The following STRN3 variants were observed in gnomAD, a reference collection of about 807,000 sequenced individuals.
The protein encoded by STRN3 is striatin-3.
Under a neutral mutation model 95.6 loss-of-function variants are expected in STRN3, and 29 were observed. The ratio of observed to expected loss-of-function variants is 0.30; its 90% CI spans 0.23 to 0.41. STRN3 has a LOEUF of 0.41. STRN3 is among the 10% of genes least tolerant of loss of function. The pLI is 1.00. For synonymous variants in STRN3, 331 were observed against 357.6 expected, an observed-to-expected ratio of 0.93 and a Z score of 0.84; for missense variants, 890 against 972.1, an observed-to-expected ratio of 0.92 and a Z score of 1.12.
At chr14:30,942,083 T>C (rs775803730) in intron 5 of STRN3, among the ~76,000 whole-genome samples, 8 of 152,236 alleles carry the variant, frequency 5.3e-5, no homozygotes, top group Non-Finnish European at 1.2e-4. Context: ...CAAATGCACT[T>C]ATGTTTAATA....
chr14:30,904,705 A>G (rs1896413706), intron 15 of STRN3, among the ~76,000 whole-genome samples: 2 of 152,288 alleles, frequency 1.3e-5, no homozygotes, highest in East Asian at 1.9e-4. Flanking sequence ...CATCACAAAA[A>G]CATGAACAAC....
chr14:31,012,987 A>G (rs1366349624), intron 1 of STRN3, among the ~76,000 whole-genome samples: 1 of 152,068 alleles, frequency 6.6e-6, no homozygotes, highest in Non-Finnish European at 1.5e-5. Flanking sequence ...GGGAGGGCAT[A>G]GTGGTTCATG....
chr14:30,958,560 T>C (rs939174627), intron 1 of STRN3, among the ~76,000 whole-genome samples: 6 of 152,228 alleles, frequency 3.9e-5, no homozygotes, highest in African/African-American at 1.4e-4. Context: ...TTTGTTGTTG[T>C]TGTTGTTTTT....
At chr14:30,911,914 G>C (rs1240622031) in intron 11 of STRN3, 90 bp from the exon 12 acceptor site, 4 of 1,552,820 alleles carry the variant, frequency 2.6e-6, no homozygotes, top group Non-Finnish European at 3.5e-6. Flanking sequence ...TAGATCAAAT[G>C]TGTGCATTAA....
At chr14:30,913,768 T>G in intron 9 of STRN3, 111 bp from the exon 10 acceptor site, 1 of 1,283,428 alleles carries the variant, frequency 7.8e-7, no homozygotes. Flanking sequence ...ATATAATTAA[T>G]TTTTATTTTC....
intron 1 of STRN3, among the ~76,000 whole-genome samples, chr14:30,977,076 A>T (rs150122383): frequency 7.9e-5 from 12 of 152,220 alleles, no homozygotes; most frequent in Non-Finnish European, 1.5e-4. Flanking sequence ...AATACAAAAA[A>T]TTCGCTGGGT....
In STRN3 at chr14:30,894,564, T is replaced by C. The variant is rs1310179529; in HGVS notation, c.*847A>G. ...TTAGTTTTTTTCTTTAAGAGTTCAT[T>C]TGGAGTACTAAACCCCACTGTTTCA... On this transcript the variant is annotated 3_prime_UTR_variant, in exon 18 of 18. Coordinates refer to ENST00000357479, the MANE Select transcript of STRN3 (RefSeq NM_001083893.2). The C allele has an allele frequency of 3.3e-5, 5 of 152,802 alleles. No individual in the cohort carries two copies. The highest frequency in any genetic ancestry group is 7.3e-5 in the Non-Finnish European group (5 of 68,190). 9.5% of individuals were successfully genotyped at this position (152,802 alleles called of 1,614,324 possible).
chr14:31,025,698 T>A, intron 1 of STRN3: 1 of 746,630 alleles, frequency 1.3e-6, no homozygotes, highest in East Asian at 3.1e-5. Flanking sequence ...GCGTAGCCAG[T>A]GAAGGTTGGG....
intron 1 of STRN3, among the ~76,000 whole-genome samples, chr14:30,970,322 G>C (rs72668381): frequency 1.3e-5 from 2 of 152,070 alleles, no homozygotes; most frequent in East Asian, 1.9e-4. Context: ...CAGGAGTCTG[G>C]CCCCCCGATG....
At chr14:31,017,295 C>G (rs1220739157) in intron 1 of STRN3, among the ~76,000 whole-genome samples, 2 of 151,294 alleles carry the variant, frequency 1.3e-5, no homozygotes, top group Non-Finnish European at 2.9e-5. Flanking sequence ...GTCAGGAGAT[C>G]GAGACCATCC....
At chr14:30,922,444 C>T (rs1039293837) in intron 8 of STRN3, among the ~76,000 whole-genome samples, 1 of 152,286 alleles carries the variant, frequency 6.6e-6, no homozygotes. Context: ...AATTATGCCA[C>T]GTGTAAGCCA....
intron 7 of STRN3, among the ~76,000 whole-genome samples, chr14:30,929,659 A>C (rs2295130): frequency 0.046 from 7,046 of 152,130 alleles, 204 homozygotes; most frequent in East Asian, 0.081. Context: ...TTCAGCCAGC[A>C]TCATAAAAGC....
At chr14:30,918,487 A>T (rs1997904) in intron 9 of STRN3, among the ~76,000 whole-genome samples, 42 of 150,836 alleles carry the variant, frequency 2.8e-4, no homozygotes, top group Admixed American at 7.3e-4. Context: ...CCAGCCTGGG[A>T]GACAGAGTGA....
intron 1 of STRN3, among the ~76,000 whole-genome samples, chr14:31,001,677 G>A (rs140550176): frequency 1.1e-4 from 16 of 152,248 alleles, no homozygotes; most frequent in African/African-American, 3.9e-4. Context: ...AGAGACATTT[G>A]TACACGTTAT....
At chr14:30,991,326 G>A (rs1241712728) in intron 1 of STRN3, among the ~76,000 whole-genome samples, 3 of 152,112 alleles carry the variant, frequency 2.0e-5, no homozygotes, top group African/African-American at 4.8e-5. Flanking sequence ...GAAATAATAT[G>A]AGTACTAGTA....
Position 30,895,678 on chromosome 14 carries a change from G to T in STRN3, c.2208C>A (p.Ile736=). ...VTSLAVDPNG[I]YLMSGSHDCS... ...AAGACTTACTTCCAGACATCAAATA[G>T]ATTCCATTAGGATCTACTGCTAGAC... The change falls in exon 17 of 18, where the codon ATC becomes ATA. Residue 736 remains isoleucine (I), a synonymous_variant. Coordinates refer to ENST00000357479, the MANE Select transcript of STRN3 (RefSeq NM_001083893.2). The T allele has an allele frequency of 6.2e-7, 1 of 1,613,768 alleles. No individual in the cohort carries two copies. The highest frequency in any genetic ancestry group is 8.5e-7 in the Non-Finnish European group (1 of 1,179,908).
rs1268386520 is a variant in STRN3, at chr14:30,912,133, G to A, written c.1424C>T (p.Thr475Ile). The A allele has an allele frequency of 1.2e-6, 2 of 1,613,704 alleles. No homozygotes were observed. The highest frequency in any genetic ancestry group is 1.3e-5 in the African/African-American group (1 of 74,912). ...TACTCCATCAAAATGGCTACGTAGT[G>A]TATACTTGGGATTCCATGTCTTTCG... ...AFRKTWNPKYTLRSHFDGVRA... is the reference protein window; with the variant it reads ...AFRKTWNPKYILRSHFDGVRA... The change falls in exon 11 of 18, where the codon ACA becomes ATA. Residue 475 changes from threonine (T) to isoleucine (I), a missense_variant. Physicochemically the swap from Thr to Ile is moderately conservative, Grantham distance 89. Coordinates refer to ENST00000357479, the MANE Select transcript of STRN3 (RefSeq NM_001083893.2).
At chr14:30,987,802 C>T (rs549017970) in intron 1 of STRN3, among the ~76,000 whole-genome samples, 17 of 151,398 alleles carry the variant, frequency 1.1e-4, no homozygotes, top group East Asian at 5.9e-4. Context: ...CAGTGGCGCG[C>T]GGTCTTGGTA....
At chr14:30,895,772 T>A in intron 16 of STRN3, 24 bp from the exon 17 acceptor site, 1 of 1,581,614 alleles carries the variant, frequency 6.3e-7, no homozygotes, top group Non-Finnish European at 8.6e-7. Flanking sequence ...AACAGAGAAC[T>A]GATTAAGTTT....
Sources: gnomAD v4.1 joint callset for allele counts (sites outside exome capture counted in the v4.1 genomes callset) on GRCh38, gnomAD v4.1.1 for gene constraint, MANE v1.5 for transcripts, NCBI Gene and HGNC (gene_info 2026-07-23, HGNC 2026-07-21) for gene names.